SNTG1: variants seen among roughly 807,000 people sequenced by gnomAD.
SNTG1 encodes syntrophin gamma 1, also known as gamma-1-syntrophin.
A neutral mutation model predicts 74.7 loss-of-function variants in SNTG1; 39 were observed. The observed-to-expected ratio is 0.52, with a 90% CI of 0.40 to 0.68. The LOEUF (loss-of-function observed/expected upper bound fraction) is 0.68, where lower values mean the gene tolerates loss of function less well. Among genes scored for constraint, SNTG1 ranks in the 30% least tolerant of loss-of-function variants. SNTG1 has a pLI of 0.00. For missense variants in SNTG1, 685 were observed against 609.5 expected (o/e 1.12, Z -1.30); for synonymous variants, 254 against 217.1 (o/e 1.17, Z -1.49).
At chr8:50,190,566 C>T (rs1280686805) in intron 2 of SNTG1, among the ~76,000 whole-genome samples, 1 of 152,120 alleles carries the variant, frequency 6.6e-6, no homozygotes, top group Non-Finnish European at 1.5e-5. Flanking sequence ...TGCCATAAAT[C>T]ATCACACTGG....
intron 2 of SNTG1, among the ~76,000 whole-genome samples, chr8:50,265,236 G>A (rs909309987): frequency 6.6e-6 from 1 of 151,780 alleles, no homozygotes; most frequent in African/African-American, 2.4e-5. Flanking sequence ...TTGCAAAACA[G>A]CACCAGAAAA....
chr8:50,740,895 A>G (rs1266079343), intron 17 of SNTG1, among the ~76,000 whole-genome samples: 1 of 152,046 alleles, frequency 6.6e-6, no homozygotes, highest in Non-Finnish European at 1.5e-5. Flanking sequence ...AAGAACAGAA[A>G]ACCAAACACC....
intron 1 of SNTG1, among the ~76,000 whole-genome samples, chr8:50,009,132 C>T (rs1224451920): frequency 1.3e-5 from 2 of 151,970 alleles, no homozygotes; most frequent in Admixed American, 6.6e-5. Flanking sequence ...GCTAAAGTAC[C>T]AGATTGTCAT....
Position 50,120,455 on chromosome 8 carries a change from T to C in SNTG1, c.-102-52106T>C, listed in dbSNP as rs2080958991. Among the ~76,000 whole-genome samples, 2 of 139,752 alleles carry C rather than the reference T, an allele frequency of 1.4e-5. 1 individual carries two copies. Among genetic ancestry groups the C allele is most frequent in the Non-Finnish European group, 3.2e-5 (2 of 63,094 alleles). The allele number at this position is 139,752 out of a possible 152,430, so 91.7% of individuals were successfully genotyped here. On this transcript the variant is annotated intron_variant, in intron 1 of 18. Transcript: ENST00000642720. ...ACTACCACCACCACCCTACTGAAAC[T>C]ATTAACTATTACTACCATTACTACT...
intron 2 of SNTG1, among the ~76,000 whole-genome samples, chr8:50,212,683 G>T (rs1265484779): frequency 6.6e-6 from 1 of 152,100 alleles, no homozygotes; most frequent in Non-Finnish European, 1.5e-5. Context: ...CTAGCATGTG[G>T]TCTACTCACC....
At chr8:50,700,211 C>A (rs1444865029) in intron 15 of SNTG1, among the ~76,000 whole-genome samples, 1 of 152,146 alleles carries the variant, frequency 6.6e-6, no homozygotes, top group Non-Finnish European at 1.5e-5. Flanking sequence ...CAATGCCAGT[C>A]TCTAAGAGTA....
chr8:50,304,513 T>TA (rs1197383236), intron 2 of SNTG1, among the ~76,000 whole-genome samples: 1 of 151,902 alleles, frequency 6.6e-6, no homozygotes, highest in African/African-American at 2.4e-5. Flanking sequence ...ACTGACACAT[T>TA]AAAACAAAGA....
At chr8:49,952,261 G>A (rs1277195321) in intron 1 of SNTG1, among the ~76,000 whole-genome samples, 1 of 152,186 alleles carries the variant, frequency 6.6e-6, no homozygotes, top group African/African-American at 2.4e-5. Flanking sequence ...AAAGACAGTA[G>A]ACAGATTATG....
At chr8:50,025,253 A>G (rs1158204934) in intron 1 of SNTG1, among the ~76,000 whole-genome samples, 1 of 152,154 alleles carries the variant, frequency 6.6e-6, no homozygotes, top group African/African-American at 2.4e-5. Flanking sequence ...TGAAAAGTAT[A>G]TATTCATTAA....
intron 18 of SNTG1, among the ~76,000 whole-genome samples, chr8:50,777,592 G>A (rs934908276): frequency 6.6e-6 from 1 of 151,350 alleles, no homozygotes; most frequent in East Asian, 1.9e-4. Context: ...TAAAATATTT[G>A]TCAACTGATT....
intron 1 of SNTG1, among the ~76,000 whole-genome samples, chr8:49,923,632 C>G (rs1013209613): frequency 1.3e-5 from 2 of 151,862 alleles, no homozygotes; most frequent in Non-Finnish European, 2.9e-5. Flanking sequence ...TTTTGAGCAT[C>G]AATCTCAGAC....
chr8:50,354,406 A>AT (rs1338876536), intron 2 of SNTG1, among the ~76,000 whole-genome samples: 1 of 152,028 alleles, frequency 6.6e-6, no homozygotes, highest in Non-Finnish European at 1.5e-5. Context: ...ATTTTTTTCC[A>AT]TTTTTTGTAC....
intron 2 of SNTG1, among the ~76,000 whole-genome samples, chr8:50,276,847 C>CT (rs59422673): frequency 0.016 from 2,493 of 151,452 alleles, 68 homozygotes; most frequent in African/African-American, 0.057. Context: ...TTTTTCTTTT[C>CT]TTTTTTTTGA....
chr8:50,178,887 C>T (rs1439163902), intron 2 of SNTG1, among the ~76,000 whole-genome samples: 4 of 152,140 alleles, frequency 2.6e-5, no homozygotes, highest in Non-Finnish European at 5.9e-5. Flanking sequence ...CCTGAGCTTT[C>T]AATGTCATAT....
intron 13 of SNTG1, among the ~76,000 whole-genome samples, chr8:50,654,020 T>C (rs1463099749): frequency 6.6e-6 from 1 of 152,178 alleles, no homozygotes; most frequent in East Asian, 1.9e-4. Context: ...CTCTTTGCTG[T>C]CTTTGGTTCT....
chr8:50,681,309 A>G (rs192287515), intron 15 of SNTG1, among the ~76,000 whole-genome samples: 287 of 152,178 alleles, frequency 1.9e-3, no homozygotes, highest in African/African-American at 6.8e-3. Context: ...AATGTCATTT[A>G]TGGAAGAGAA....
intron 1 of SNTG1, among the ~76,000 whole-genome samples, chr8:49,944,539 G>A (rs1808985798): frequency 7.4e-6 from 1 of 134,342 alleles, no homozygotes; most frequent in South Asian, 2.5e-4. Flanking sequence ...GAGAACACAT[G>A]GACACAGGAA....
intron 18 of SNTG1, among the ~76,000 whole-genome samples, chr8:50,789,762 G>C (rs966818452): frequency 6.6e-6 from 1 of 151,890 alleles, no homozygotes; most frequent in African/African-American, 2.4e-5. Context: ...AGTCTAACCA[G>C]AATCATCATT....
intron 15 of SNTG1, 153 bp from the exon 16 acceptor site, chr8:50,704,447 G>A (rs926784080): frequency 1.2e-5 from 11 of 891,990 alleles, no homozygotes; most frequent in African/African-American, 3.3e-5. Flanking sequence ...TTTGAAGCCC[G>A]GAGTTCTGGT....
Sources: gnomAD v4.1 joint callset for allele counts (sites outside exome capture counted in the v4.1 genomes callset) on GRCh38, gnomAD v4.1.1 for gene constraint, MANE v1.5 for transcripts, NCBI Gene and HGNC (gene_info 2026-07-23, HGNC 2026-07-21) for gene names.